The following OTOGL variants were observed in gnomAD, a reference collection of about 807,000 sequenced individuals.
OTOGL encodes the protein otogelin like, also known as otogelin-like protein.
A neutral mutation model predicts 318.5 loss-of-function variants in OTOGL; 285 were observed. That is an observed-to-expected ratio of 0.89 (90% CI 0.81 to 0.99). OTOGL has a LOEUF of 0.99. Ranked by LOEUF, OTOGL falls within the 50% of genes least tolerant of loss-of-function variation. The pLI, the probability that OTOGL is intolerant of heterozygous loss-of-function variation, is 0.00. For synonymous variants in OTOGL, 987 were observed against 936.5 expected (o/e 1.05, Z -0.99); for missense variants, 2,899 against 2,845.6 (o/e 1.02, Z -0.43).
At chr12:80,350,788 T>C (rs1269733567) in intron 44 of OTOGL, among the ~76,000 whole-genome samples, 1 of 152,236 alleles carries the variant, frequency 6.6e-6, no homozygotes, top group African/African-American at 2.4e-5. Flanking sequence ...GAATTCCTTA[T>C]GTATTTTGGA....
chr12:80,174,904 A>G (rs1486508013), intron 1 of OTOGL, among the ~76,000 whole-genome samples: 2 of 151,964 alleles, frequency 1.3e-5, no homozygotes, highest in Non-Finnish European at 2.9e-5. Flanking sequence ...ATTTATCTTC[A>G]ATAAGTGGCG....
intron 57 of OTOGL, among the ~76,000 whole-genome samples, chr12:80,372,527 G>T (rs533591045): frequency 2.0e-5 from 3 of 151,986 alleles, no homozygotes; most frequent in African/African-American, 7.2e-5. Flanking sequence ...TTTCAAACCT[G>T]TTTGAGTAAG....
Position 80,265,189 on chromosome 12 carries a change from A to G in OTOGL, c.2203A>G (p.Arg735Gly). The change falls in exon 20 of 59, where the codon AGA becomes GGA. Residue 735 changes from arginine (R) to glycine (G), a missense_variant. Arg to Gly is a moderately radical substitution (Grantham distance 125). Transcript: ENST00000547103. ...CGQHGVPIDF[R>G]TQISFCAVVC... Reference sequence around the variant, plus strand: ...CCAGCACGGTGTTCCCATTGATTTCAGAACTCAGATTTCTTTCTGTGGTGA... The same window carrying G: ...CCAGCACGGTGTTCCCATTGATTTCGGAACTCAGATTTCTTTCTGTGGTGA... 3.1e-6 allele frequency: 5 copies of G among 1,613,696 alleles called. No individual in the cohort carries two copies. The highest frequency in any genetic ancestry group is 4.2e-6 in the Non-Finnish European group (5 of 1,179,786).
At chr12:80,273,162 T>C (rs1053702769) in intron 24 of OTOGL, among the ~76,000 whole-genome samples, 2 of 152,112 alleles carry the variant, frequency 1.3e-5, no homozygotes, top group Non-Finnish European at 2.9e-5. Flanking sequence ...CCTCCTACCT[T>C]CTCTGACTGT....
chr12:80,264,186 T>G (rs1882770314), intron 19 of OTOGL, among the ~76,000 whole-genome samples: 1 of 152,130 alleles, frequency 6.6e-6, no homozygotes, highest in South Asian at 2.1e-4. Context: ...AGGTCCACGA[T>G]ATCAAGAAAC....
At chr12:80,182,280 G>C (rs1006899034) in intron 1 of OTOGL, among the ~76,000 whole-genome samples, 1 of 152,142 alleles carries the variant, frequency 6.6e-6, no homozygotes, top group Non-Finnish European at 1.5e-5. Flanking sequence ...CTATAACAGA[G>C]GCTTGGTACG....
At chr12:80,192,684 C>CT (rs1446429553) in intron 1 of OTOGL, among the ~76,000 whole-genome samples, 1 of 152,122 alleles carries the variant, frequency 6.6e-6, no homozygotes, top group Non-Finnish European at 1.5e-5. Context: ...GAGAAAAATG[C>CT]TGTGTAATTC....
intron 7 of OTOGL, among the ~76,000 whole-genome samples, chr12:80,224,685 A>T (rs1878664681): frequency 6.6e-6 from 1 of 152,046 alleles, no homozygotes. Flanking sequence ...GCTATTGTAA[A>T]AGGGGTTGAG....
chr12:80,274,431 T>C (rs570774671), intron 24 of OTOGL, among the ~76,000 whole-genome samples: 3 of 152,030 alleles, frequency 2.0e-5, no homozygotes, highest in Non-Finnish European at 4.4e-5. Flanking sequence ...AATTCTATAA[T>C]GGCTGAGGGA....
At chr12:80,222,898 C>T (rs1399000096) in intron 7 of OTOGL, among the ~76,000 whole-genome samples, 1 of 151,806 alleles carries the variant, frequency 6.6e-6, no homozygotes, top group Non-Finnish European at 1.5e-5. Flanking sequence ...AAAAGTAGGC[C>T]CTGAAACTTC....
At chr12:80,163,338 G>A (rs1479879149) in intron 1 of OTOGL, among the ~76,000 whole-genome samples, 1 of 151,952 alleles carries the variant, frequency 6.6e-6, no homozygotes, top group African/African-American at 2.4e-5. Context: ...ACAAATAGTG[G>A]AATGACAGAA....
chr12:80,159,831 AT>A (rs776225231), intron 1 of OTOGL, among the ~76,000 whole-genome samples: 17 of 152,238 alleles, frequency 1.1e-4, no homozygotes, highest in Non-Finnish European at 2.1e-4. Flanking sequence ...CAGACATCAC[AT>A]TACCTGACTT....
intron 1 of OTOGL, among the ~76,000 whole-genome samples, chr12:80,124,723 G>A (rs1351551151): frequency 6.6e-6 from 1 of 152,068 alleles, no homozygotes. Flanking sequence ...TTGAGCAGTG[G>A]TTTGTAGTTC....
intron 32 of OTOGL, among the ~76,000 whole-genome samples, chr12:80,315,416 G>T (rs1013816324): frequency 6.6e-6 from 1 of 152,200 alleles, no homozygotes; most frequent in Non-Finnish European, 1.5e-5. Context: ...ATAGATGTAA[G>T]AAGAGACAGA....
intron 56 of OTOGL, 45 bp downstream of exon 56, chr12:80,370,734 T>G: frequency 1.5e-6 from 2 of 1,360,076 alleles, no homozygotes; most frequent in Non-Finnish European, 2.0e-6. Flanking sequence ...TTATATAATT[T>G]AGAAAATACA....
rs143752049 is a variant in OTOGL at position 80,187,134 on chromosome 12, T to G, written c.-19-22279T>G. Among the ~76,000 whole-genome samples the G allele has an allele frequency of 1.8e-3, 274 of 152,332 alleles. 1 individual carries two copies. The highest frequency in any genetic ancestry group is 6.4e-3 in the African/African-American group (268 of 41,566). On this transcript the variant is annotated intron_variant, in intron 1 of 58. Transcript: ENST00000547103. ...AACACATCCAGAGCTCCAAGAATCT[T>G]CAGGCCTCAACACGGACTTTTATAT...
intron 1 of OTOGL, among the ~76,000 whole-genome samples, chr12:80,177,249 C>T (rs532931942): frequency 5.7e-4 from 82 of 142,880 alleles, no homozygotes; most frequent in African/African-American, 2.3e-3. Flanking sequence ...GAAATTTTAG[C>T]TATTAATTTA....
intron 52 of OTOGL, among the ~76,000 whole-genome samples, chr12:80,365,845 A>G (rs1374240369): frequency 1.3e-5 from 2 of 152,154 alleles, no homozygotes. Flanking sequence ...TGTCATATGA[A>G]AACTAAATGC....
Position 80,251,741 on chromosome 12 carries a change from A to C in OTOGL, c.1101A>C (p.Arg367Ser). The C allele has an allele frequency of 6.3e-7, 1 of 1,595,558 alleles. No individual in the cohort carries two copies. The highest frequency in any genetic ancestry group is 8.5e-7 in the Non-Finnish European group (1 of 1,170,216). ...TYCRAATEYA[R>S]ACSHAGYPIQ... The stretch of plus-strand genomic sequence containing the variant: ...GCCGAGCAGCCACTGAGTATGCTAG[A>C]GCCTGCTCTCATGCTGGCTACCCTA... Residue 367 changes from arginine to serine, a missense_variant, in exon 12 of 59, where the codon AGA (arginine) becomes AGC (serine). This residue lies in a region of OTOGL where 2,607 missense variants were observed against 2,524.9 expected (regional missense o/e 1.03). Transcript: ENST00000547103.
Sources: allele counts gnomAD v4.1 joint callset (sites outside exome capture counted in the v4.1 genomes callset), GRCh38; gene constraint gnomAD v4.1.1; regional missense constraint gnomAD v4.1.1; transcripts MANE v1.5; gene names NCBI Gene and HGNC (gene_info 2026-07-23, HGNC 2026-07-21).